Variants in NAALADL2 observed in about 807,000 individuals in gnomAD.
NAALADL2 encodes inactive N-acetylated-alpha-linked acidic dipeptidase-like protein 2.
NAALADL2 carries 76 observed loss-of-function variants against 87.2 expected under a neutral mutation model. The ratio of observed to expected loss-of-function variants is 0.87; its 90% CI spans 0.72 to 1.05. The LOEUF (loss-of-function observed/expected upper bound fraction) is 1.05, where lower values mean the gene tolerates loss of function less well. Ranked by LOEUF, NAALADL2 falls within the 50% of genes least tolerant of loss-of-function variation. The pLI is 0.00. For synonymous variants in NAALADL2, 354 were observed against 331.0 expected, an observed-to-expected ratio of 1.07 and a Z score of -0.75; for missense variants, 1,089 against 945.8, an observed-to-expected ratio of 1.15 and a Z score of -1.99.
At chr3:175,354,693 A>C (rs1383367674) in intron 5 of NAALADL2, among the ~76,000 whole-genome samples, 1 of 151,898 alleles carries the variant, frequency 6.6e-6, no homozygotes, top group African/African-American at 2.4e-5. Context: ...TCCAGGCTAG[A>C]GTGCAGTGCC....
intron 12 of NAALADL2, among the ~76,000 whole-genome samples, chr3:175,749,553 CAA>C (rs755030078): frequency 6.6e-5 from 10 of 152,064 alleles, no homozygotes; most frequent in Admixed American, 2.6e-4. Flanking sequence ...GAGGGGAAAA[CAA>C]AGAGAGAGAA....
chr3:175,229,622 C>T (rs1213481024), intron 2 of NAALADL2, among the ~76,000 whole-genome samples: 1 of 151,958 alleles, frequency 6.6e-6, no homozygotes, highest in African/African-American at 2.4e-5. Flanking sequence ...TGTGTCTTCA[C>T]ATGATGGAAA....
intron 8 of NAALADL2, among the ~76,000 whole-genome samples, chr3:175,468,816 A>G (rs1724461663): frequency 6.6e-6 from 1 of 152,196 alleles, no homozygotes; most frequent in African/African-American, 2.4e-5. Flanking sequence ...AGAGCCTGTG[A>G]GTTGAATCAA....
At chr3:174,999,721 A>G (rs1386834194) in intron 1 of NAALADL2, among the ~76,000 whole-genome samples, 3 of 152,224 alleles carry the variant, frequency 2.0e-5, no homozygotes, top group Admixed American at 6.5e-5. Flanking sequence ...CTGAAAGTGC[A>G]TATGTAATGT....
intron 1 of NAALADL2, among the ~76,000 whole-genome samples, chr3:174,536,065 A>G (rs1223524159): frequency 2.0e-5 from 3 of 152,098 alleles, no homozygotes; most frequent in Non-Finnish European, 4.4e-5. Context: ...AAAAATAAAA[A>G]CATTTTTAAA....
chr3:175,532,117 G>C (rs1242446884), intron 9 of NAALADL2, among the ~76,000 whole-genome samples: 4 of 152,156 alleles, frequency 2.6e-5, no homozygotes. Flanking sequence ...TGGAACTGGG[G>C]AAATGACCAC....
chr3:175,694,181 A>T (rs563683601), intron 11 of NAALADL2, among the ~76,000 whole-genome samples: 1 of 152,274 alleles, frequency 6.6e-6, no homozygotes, highest in African/African-American at 2.4e-5. Flanking sequence ...GGTTGGTACA[A>T]TATAGACATT....
chr3:175,327,875 A>C lies in NAALADL2; in HGVS notation c.1090+3550A>C, dbSNP rs374383412. ...GTTGTGTCAATGCCATGAATCAAAG[A>C]ATAGATATTTATAACAAAAGATCTG... On this transcript the variant is annotated intron_variant, in intron 5 of 13. Coordinates refer to ENST00000454872, the MANE Select transcript of NAALADL2 (RefSeq NM_207015.3). Among the ~76,000 whole-genome samples the C allele has an allele frequency of 3.1e-4, 47 of 152,332 alleles. No individual in the cohort carries two copies. In the East Asian group the frequency reaches 7.3e-3, roughly 24 times the overall value.
chr3:175,320,899 C>T (rs964903858), intron 4 of NAALADL2, among the ~76,000 whole-genome samples: 2 of 148,718 alleles, frequency 1.3e-5, no homozygotes, highest in Non-Finnish European at 3.0e-5. Flanking sequence ...CCGAATTCTA[C>T]CAGAGGTACA....
At chr3:174,552,173 C>T (rs772936153) in intron 2 of NAALADL2, among the ~76,000 whole-genome samples, 3 of 152,036 alleles carry the variant, frequency 2.0e-5, no homozygotes, top group Non-Finnish European at 4.4e-5. Flanking sequence ...TATTGTCTTC[C>T]AATCGTTGGA....
At position 174,703,744 on chromosome 3, in the gene NAALADL2, A is replaced by G. The variant is rs77009478; in HGVS notation, c.-114-33897A>G. On this transcript the variant is annotated intron_variant, in intron 2 of 3. Transcript: ENST00000434257. ...TACAGTGCTTAGCATAGAAACCAAGACAGGGGACCGAGTTTCCCACGAAAA... is the reference window on the plus strand; with the variant it reads ...TACAGTGCTTAGCATAGAAACCAAGGCAGGGGACCGAGTTTCCCACGAAAA... Among the ~76,000 whole-genome samples the G allele has an allele frequency of 9.4e-3, 1,438 of 152,282 alleles. 13 individuals are homozygous for G. Among genetic ancestry groups the G allele is most frequent in the Non-Finnish European group, 0.014 (926 of 68,010 alleles).
At chr3:175,501,569 T>C (rs1430238382) in intron 9 of NAALADL2, among the ~76,000 whole-genome samples, 1 of 152,026 alleles carries the variant, frequency 6.6e-6, no homozygotes, top group Non-Finnish European at 1.5e-5. Flanking sequence ...AAAGAGTGGG[T>C]ACAAGACAGA....
At position 175,467,060 on chromosome 3, in the gene NAALADL2, T is replaced by C. The variant is rs372533544; in HGVS notation, c.1409T>C (p.Ile470Thr). 54 of 1,613,716 alleles carry C rather than the reference T, an allele frequency of 3.3e-5. No individual in the cohort carries two copies. The highest frequency in any genetic ancestry group is 5.9e-6 in the Non-Finnish European group (7 of 1,179,800). ...GQEWASSTAIITAFIRALMSK... is the reference protein window; with the variant it reads ...GQEWASSTAITTAFIRALMSK... The stretch of plus-strand genomic sequence containing the variant: ...GAATGGGCCAGTAGTACTGCAATAA[T>C]CACAGCGTTTATCCGTGCCTTGATG... The change falls in exon 8 of 14, where the codon ATC becomes ACC. Residue 470 changes from isoleucine (I) to threonine (T), a missense_variant. By Grantham distance (89) the Ile-to-Thr change is moderately conservative. Transcript: ENST00000454872.
intron 9 of NAALADL2, among the ~76,000 whole-genome samples, chr3:175,574,384 C>A (rs572112605): frequency 2.0e-5 from 3 of 152,260 alleles, no homozygotes; most frequent in Admixed American, 2.0e-4. Context: ...ATGAAGGATT[C>A]AAACTTGTTT....
chr3:174,942,239 C>T (rs1395378655), intron 1 of NAALADL2, among the ~76,000 whole-genome samples: 1 of 152,052 alleles, frequency 6.6e-6, no homozygotes, highest in African/African-American at 2.4e-5. Flanking sequence ...TTACTGAACT[C>T]CCTCAACATT....
intron 2 of NAALADL2, among the ~76,000 whole-genome samples, chr3:175,230,198 A>G (rs1744736717): frequency 6.6e-6 from 1 of 152,098 alleles, no homozygotes; most frequent in South Asian, 2.1e-4. Context: ...TGAAATGTGA[A>G]AAACAACTCC....
chr3:175,055,388 GTAATCA>G (rs899025271), intron 1 of NAALADL2, among the ~76,000 whole-genome samples: 4 of 152,234 alleles, frequency 2.6e-5, no homozygotes, highest in African/African-American at 9.6e-5. Flanking sequence ...CTTCCTAGAA[GTAATCA>G]TATCATTCCC....
rs148781721 is a variant in NAALADL2, at chr3:174,758,379, A to G, written c.-9+20633A>G. ...AGTAATTAATGAAATAACATATACA[A>G]CTAGCATAGAGTCAAATAAATAGTA... On this transcript the variant is annotated intron_variant, in intron 3 of 3. Transcript: ENST00000434257. 2.0e-3 allele frequency among the ~76,000 whole-genome samples: 305 copies of G among 152,290 alleles called. 3 individuals are homozygous for G. The highest frequency in any genetic ancestry group is 7.0e-3 in the African/African-American group (292 of 41,576).
At chr3:174,891,956 T>C (rs1220665181) in intron 1 of NAALADL2, among the ~76,000 whole-genome samples, 1 of 152,120 alleles carries the variant, frequency 6.6e-6, no homozygotes, top group African/African-American at 2.4e-5. Context: ...GCATCTTGGT[T>C]ACTGGCTCAG....
Sources: allele counts gnomAD v4.1 joint callset (sites outside exome capture counted in the v4.1 genomes callset), GRCh38; gene constraint gnomAD v4.1.1; transcripts MANE v1.5; gene names NCBI Gene and HGNC (gene_info 2026-07-23, HGNC 2026-07-21).